CREM: variants seen among roughly 807,000 people sequenced by gnomAD.
CREM encodes cAMP responsive element modulator.
In CREM, 13 loss-of-function variants were observed where a neutral mutation model predicts 37.3. That is an observed-to-expected ratio of 0.35 (90% CI 0.23 to 0.55). The LOEUF is 0.55. Among genes scored for constraint, CREM ranks in the 20% least tolerant of loss-of-function variants. The probability of loss-of-function intolerance (pLI) is 0.88; values close to 1 mark genes in which losing one functional copy is unlikely to be tolerated. For missense variants in CREM, 296 were observed against 362.3 expected, an observed-to-expected ratio of 0.82 and a Z score of 1.49; for synonymous variants, 124 against 120.2, an observed-to-expected ratio of 1.03 and a Z score of -0.21.
chr10:35,141,062 A>T (rs2135731290), intron 2 of CREM, among the ~76,000 whole-genome samples: 1 of 152,308 alleles, frequency 6.6e-6, no homozygotes, highest in Non-Finnish European at 1.5e-5. Flanking sequence ...TCATGGTAAG[A>T]TCAAATTCTT....
chr10:35,167,453 C>A, intron 3 of CREM: 1 of 403,926 alleles, frequency 2.5e-6, no homozygotes, highest in Non-Finnish European at 4.4e-6. Flanking sequence ...ATTTTAAAAT[C>A]CTTTATTGTC....
chr10:35,178,125 A>G (rs541054259), intron 3 of CREM, among the ~76,000 whole-genome samples: 1 of 152,336 alleles, frequency 6.6e-6, no homozygotes, highest in South Asian at 2.1e-4. Context: ...CTGCTACCCT[A>G]GGCCCTCAAA....
intron 6 of CREM, among the ~76,000 whole-genome samples, chr10:35,194,137 C>A (rs2095048766): frequency 9.1e-6 from 1 of 109,982 alleles, no homozygotes; most frequent in African/African-American, 2.9e-5. Context: ...CAAAAGGTCT[C>A]AGTGGCATGT....
chr10:35,130,086 C>T (rs1353746114), intron 1 of CREM, among the ~76,000 whole-genome samples: 1 of 150,958 alleles, frequency 6.6e-6, no homozygotes, highest in Admixed American at 6.6e-5. Context: ...ATTGTGGCTA[C>T]TTGGGAGGCT....
chr10:35,147,246 G>C (rs2092238163), intron 2 of CREM, among the ~76,000 whole-genome samples: 1 of 151,706 alleles, frequency 6.6e-6, no homozygotes, highest in Non-Finnish European at 1.5e-5. Flanking sequence ...GTAGAGACGG[G>C]GTTTCACCGT....
chr10:35,166,509 G>A (rs2093561324), intron 3 of CREM, among the ~76,000 whole-genome samples: 1 of 151,030 alleles, frequency 6.6e-6, no homozygotes, highest in South Asian at 2.1e-4. Flanking sequence ...AGGTTGCGGT[G>A]AGCCCAGATC....
At chr10:35,157,981 T>C (rs1162027553) in intron 3 of CREM, among the ~76,000 whole-genome samples, 1 of 152,140 alleles carries the variant, frequency 6.6e-6, no homozygotes, top group East Asian at 1.9e-4. Flanking sequence ...AAGAAAACTC[T>C]ATTTACAATA....
At chr10:35,175,262 G>T (rs59703755) in intron 3 of CREM, among the ~76,000 whole-genome samples, 2 of 130,758 alleles carry the variant, frequency 1.5e-5, no homozygotes, top group Admixed American at 1.4e-4. Context: ...CCTGGCTAAT[G>T]GGTGAAACCC....
chr10:35,133,326 G>C (rs1180120702), intron 1 of CREM, among the ~76,000 whole-genome samples: 2 of 99,366 alleles, frequency 2.0e-5, no homozygotes, highest in Non-Finnish European at 4.1e-5. Context: ...TTTTTTTTTT[G>C]AGACAGAGTC....
At position 35,204,901 on chromosome 10, in the gene CREM, C is replaced by T. The variant is rs1000480438; in HGVS notation, c.599-1994C>T. 2.6e-5 allele frequency among the ~76,000 whole-genome samples: 4 copies of T among 152,034 alleles called. No homozygotes were observed. The South Asian group carries it at 6.2e-4, about 24-fold the overall frequency. ...ATTTAGCTGACAAAGTATTTGTCTCCCATGGGTAGCATTTCACTTCTTATT... is the reference window on the plus strand; with the variant it reads ...ATTTAGCTGACAAAGTATTTGTCTCTCATGGGTAGCATTTCACTTCTTATT... On this transcript the variant is annotated intron_variant, in intron 6 of 7. Coordinates refer to ENST00000685392, the MANE Select transcript of CREM (RefSeq NM_183011.2).
intron 7 of CREM, chr10:35,209,439 G>A: frequency 9.4e-6 from 8 of 849,568 alleles, no homozygotes; most frequent in Non-Finnish European, 1.1e-5. Flanking sequence ...GCTGAGGAGT[G>A]CTTAGGAATG....
At chr10:35,207,255 G>A (rs1398264340) in intron 7 of CREM, among the ~76,000 whole-genome samples, 1 of 151,936 alleles carries the variant, frequency 6.6e-6, no homozygotes, top group Non-Finnish European at 1.5e-5. Flanking sequence ...TTCGCCGGGC[G>A]TGGTGGCAGG....
intron 5 of CREM, among the ~76,000 whole-genome samples, chr10:35,182,978 T>C (rs1054070068): frequency 6.6e-6 from 1 of 152,176 alleles, no homozygotes; most frequent in Non-Finnish European, 1.5e-5. Context: ...ATGAGTGAAT[T>C]TGTAAAAGCA....
intron 5 of CREM, among the ~76,000 whole-genome samples, chr10:35,185,011 ATC>A (rs1413405312): frequency 6.8e-6 from 1 of 147,792 alleles, no homozygotes; most frequent in Non-Finnish European, 1.5e-5. Context: ...TTATAATATC[ATC>A]TGTCATGAGG....
Position 35,165,423 on chromosome 10 carries a change from G to A in CREM, c.169-13466G>A, listed in dbSNP as rs192273114. ...ATTATATTTCAACATGAGATTGGGA[G>A]CGGATAAGCATCCAAACTGTATCAC... On this transcript the variant is annotated intron_variant, in intron 3 of 7. Transcript: ENST00000685392. Among the ~76,000 whole-genome samples, 454 of 152,258 alleles carry A rather than the reference G, an allele frequency of 3.0e-3. 10 individuals are homozygous for A. The highest frequency in any genetic ancestry group is 0.029 in the Admixed American group (442 of 15,286).
intron 6 of CREM, 97 bp from the exon 7 acceptor site, chr10:35,206,798 T>C: frequency 6.3e-6 from 7 of 1,111,074 alleles, no homozygotes; most frequent in Middle Eastern, 2.9e-4. Flanking sequence ...TCACCTCTTA[T>C]GAGATGTCAA....
intron 5 of CREM, among the ~76,000 whole-genome samples, chr10:35,187,162 A>ATTAATAATATAT (rs1564922585): frequency 2.7e-4 from 16 of 59,664 alleles, no homozygotes; most frequent in African/African-American, 9.4e-4. Context: ...TATAATATAT[A>ATTAATAATATAT]TTATATATTA....
At chr10:35,202,170 A>T (rs567041180) in intron 6 of CREM, among the ~76,000 whole-genome samples, 3 of 152,342 alleles carry the variant, frequency 2.0e-5, no homozygotes, top group African/African-American at 7.2e-5. Flanking sequence ...TAGAATAAAA[A>T]GTAATTTAGA....
chr10:35,171,118 C>T (rs890182365), intron 3 of CREM: 1 of 140,940 alleles, frequency 7.1e-6, no homozygotes, highest in Non-Finnish European at 1.5e-5. Context: ...TTTATGTTAG[C>T]GGGTACAAGT....
Sources: gnomAD v4.1 joint callset for allele counts (sites outside exome capture counted in the v4.1 genomes callset) on GRCh38, gnomAD v4.1.1 for gene constraint, MANE v1.5 for transcripts, NCBI Gene and HGNC (gene_info 2026-07-23, HGNC 2026-07-21) for gene names.